FAM124A: variants seen among roughly 807,000 people sequenced by gnomAD.
The protein encoded by FAM124A is family with sequence similarity 124 member A.
In FAM124A, 23 loss-of-function variants were observed where a neutral mutation model predicts 24.5. That is an observed-to-expected ratio of 0.94 (90% CI 0.68 to 1.33). The LOEUF (loss-of-function observed/expected upper bound fraction) is 1.33, where lower values mean the gene tolerates loss of function less well. FAM124A is among the 40% of genes most tolerant of loss of function. The pLI is 0.00. For synonymous variants in FAM124A, 287 were observed against 314.7 expected, an observed-to-expected ratio of 0.91 and a Z score of 0.93; for missense variants, 623 against 722.8, an observed-to-expected ratio of 0.86 and a Z score of 1.58.
At chr13:51,235,315 A>G (rs1411512894) in intron 2 of FAM124A, among the ~76,000 whole-genome samples, 3 of 151,918 alleles carry the variant, frequency 2.0e-5, no homozygotes, top group Non-Finnish European at 4.4e-5. Context: ...TACAATTTAC[A>G]TTCTTATGCA....
rs185815438 is a variant in FAM124A, at chr13:51,269,635, A to C, written c.835-10815A>C. Reference sequence around the variant, plus strand: ...ACATTAAATGTATAAATGAAGTTTAAGATGTTAAAGGAAATTAAGCTACAA... The same window carrying C: ...ACATTAAATGTATAAATGAAGTTTACGATGTTAAAGGAAATTAAGCTACAA... On this transcript the variant is annotated intron_variant, in intron 3 of 3. Transcript: ENST00000322475. Among the ~76,000 whole-genome samples the C allele has an allele frequency of 2.8e-4, 42 of 152,334 alleles. 1 individual carries two copies. The East Asian group carries it at 7.7e-3, about 28-fold the overall frequency.
intron 3 of FAM124A, among the ~76,000 whole-genome samples, chr13:51,256,885 T>A (rs141959689): frequency 1.1e-3 from 172 of 152,292 alleles, no homozygotes; most frequent in African/African-American, 3.7e-3. Flanking sequence ...TTCTACTATC[T>A]GTTTCTGTGA....
At chr13:51,240,941 C>T (rs1466298991) in intron 2 of FAM124A, among the ~76,000 whole-genome samples, 2 of 152,184 alleles carry the variant, frequency 1.3e-5, no homozygotes, top group Non-Finnish European at 1.5e-5. Flanking sequence ...GTCTTCCTCC[C>T]ACCAGAAGCC....
intron 2 of FAM124A, among the ~76,000 whole-genome samples, chr13:51,249,769 A>G (rs1954599671): frequency 6.6e-6 from 1 of 152,162 alleles, no homozygotes; most frequent in Non-Finnish European, 1.5e-5. Context: ...TATCAGATTT[A>G]ATTTTACTTT....
intron 2 of FAM124A, chr13:51,245,381 G>T (rs1409063707): frequency 5.8e-6 from 4 of 693,528 alleles, no homozygotes; most frequent in Non-Finnish European, 1.1e-5. Context: ...AAAGAAAAGG[G>T]AAGATGGAGC....
chr13:51,229,921 T>C (rs1203819096), intron 1 of FAM124A, among the ~76,000 whole-genome samples: 1 of 152,030 alleles, frequency 6.6e-6, no homozygotes, highest in African/African-American at 2.4e-5. Flanking sequence ...TTAGCTAGTA[T>C]GTCACCATGT....
chr13:51,280,445 C>A lies in FAM124A; in HGVS notation c.835-5C>A, dbSNP rs201491419. 3.7e-5 allele frequency: 58 copies of A among 1,582,086 alleles called. No homozygotes were observed. The highest frequency in any genetic ancestry group is 1.1e-4 in the African/African-American group (8 of 73,936). On this transcript the variant is annotated splice_polypyrimidine_tract_variant and splice_region_variant and intron_variant, in intron 3 of 3. Coordinates refer to ENST00000322475, the MANE Select transcript of FAM124A (RefSeq NM_001242312.2). ...CACTAATGTGATCTGCCTCTCCCCC[C>A]ACAGGCACAAAGGGTGCATAAGAAG... is the stretch of plus-strand genomic sequence containing the variant.
rs923558420 is a variant in FAM124A, at chr13:51,284,176, G to A, written c.*2920G>A. On this transcript the variant is annotated 3_prime_UTR_variant, in exon 4 of 4. Transcript: ENST00000322475. ...TCTGGAGGATCCTGACTCGTTTGGA[G>A]TATTATCCTTGTAAAAGATGCTGGC... is the stretch of plus-strand genomic sequence containing the variant. The A allele has an allele frequency of 4.6e-5, 7 of 152,188 alleles. No individual in the cohort carries two copies. The allele number at this position is 152,188 out of a possible 1,614,324, so 9.4% of individuals were successfully genotyped here.
rs1954950148 is a variant in FAM124A, at chr13:51,282,594, C to T, written c.*1338C>T. The T allele has an allele frequency of 6.6e-6, 1 of 152,204 alleles. No homozygotes were observed. The highest frequency in any genetic ancestry group is 2.1e-4 in the South Asian group (1 of 4,828). 9.4% of individuals were successfully genotyped at this position (152,204 alleles called of 1,614,324 possible). On this transcript the variant is annotated 3_prime_UTR_variant, in exon 4 of 4. Transcript: ENST00000322475. Reference sequence around the variant, plus strand: ...TTTGAGGAAGAACAGCATGGGTTTGCCAAGCTCAATTCCCAGGCTGGTGCT... The same window carrying T: ...TTTGAGGAAGAACAGCATGGGTTTGTCAAGCTCAATTCCCAGGCTGGTGCT...
chr13:51,246,916 A>G (rs1357513880), intron 2 of FAM124A, among the ~76,000 whole-genome samples: 1 of 152,190 alleles, frequency 6.6e-6, no homozygotes, highest in Non-Finnish European at 1.5e-5. Context: ...CTCTCACGCC[A>G]TGCTATAGGC....
At chr13:51,265,539 C>T (rs941407786) in intron 3 of FAM124A, among the ~76,000 whole-genome samples, 3 of 152,130 alleles carry the variant, frequency 2.0e-5, no homozygotes, top group Non-Finnish European at 2.9e-5. Flanking sequence ...GGGTGGTTCT[C>T]GCGTGCCTAA....
chr13:51,283,795 A>AAG lies in FAM124A; in HGVS notation c.*2539_*2540insAG, dbSNP rs56841853. 6.7e-6 allele frequency: 1 copy of AAG among 149,124 alleles called. No homozygotes were observed. The highest frequency in any genetic ancestry group is 1.5e-5 in the Non-Finnish European group (1 of 67,522). 9.2% of individuals were successfully genotyped at this position (149,124 alleles called of 1,614,324 possible). On this transcript the variant is annotated 3_prime_UTR_variant, in exon 4 of 4. Coordinates refer to ENST00000322475, the MANE Select transcript of FAM124A (RefSeq NM_001242312.2). ...AAAAAAAAAAAAAAAAAAAAAAAAA[A>AAG]GGCTAATGGCCGAGGGCTGGCTCCT...
At chr13:51,280,426 T>G (rs779790831) in intron 3 of FAM124A, 24 bp from the exon 4 acceptor site, 2 of 1,554,576 alleles carry the variant, frequency 1.3e-6, no homozygotes, top group Non-Finnish European at 1.7e-6. Flanking sequence ...CCTGCACTAA[T>G]GTGATCTGCC....
intron 2 of FAM124A, among the ~76,000 whole-genome samples, chr13:51,247,862 T>C (rs1250981167): frequency 6.6e-6 from 1 of 152,208 alleles, no homozygotes; most frequent in Admixed American, 6.5e-5. Context: ...TTACTACTTT[T>C]GCGTCAACTG....
Position 51,274,888 on chromosome 13 carries a change from C to T in FAM124A, c.835-5562C>T, listed in dbSNP as rs185379814. 3.3e-5 allele frequency among the ~76,000 whole-genome samples: 5 copies of T among 152,286 alleles called. No homozygotes were observed. The East Asian group carries it at 9.6e-4, about 29-fold the overall frequency. ...GAAGATTTAACAATTAACCCAGTTC[C>T]TCTAAATATATCAATATCTCCTATT... is the stretch of plus-strand genomic sequence containing the variant. On this transcript the variant is annotated intron_variant, in intron 3 of 3. Transcript: ENST00000322475.
At chr13:51,222,716 C>A (rs752666116) in intron 1 of FAM124A, 147 bp downstream of exon 1, 114 of 849,792 alleles carry the variant, frequency 1.3e-4, no homozygotes, top group Admixed American at 2.3e-4. Context: ...CTCTCCTGGG[C>A]GGGCCGCGCT....
rs1205094467 is a variant in FAM124A at position 51,251,392 on chromosome 13, C to T, written c.101-76C>T. On this transcript the variant is annotated intron_variant, in intron 2 of 3. Transcript: ENST00000322475. The surrounding 1 kb of genome is among the most constrained non-coding windows in gnomAD (Gnocchi z 5.3). ...GACTTCTCTTCCTGTCAAGCCTGTA[C>T]ACGTCATCACTGGACACTTTAATGA... 5 of 1,435,908 alleles carry T rather than the reference C, an allele frequency of 3.5e-6. No individual in the cohort carries two copies. Among genetic ancestry groups the T allele is most frequent in the African/African-American group, 1.4e-5 (1 of 70,398 alleles). The allele number at this position is 1,435,908 out of a possible 1,614,324, so 88.9% of individuals were successfully genotyped here.
chr13:51,251,845 T>G lies in FAM124A; in HGVS notation c.478T>G (p.Trp160Gly). 1 of 1,611,730 alleles carries G rather than the reference T, an allele frequency of 6.2e-7. No homozygotes were observed. Among genetic ancestry groups the G allele is most frequent in the Non-Finnish European group, 8.5e-7 (1 of 1,179,044 alleles). The stretch of plus-strand genomic sequence containing the variant: ...CACGCTGGCCCCTGGGACGCCGCTT[T>G]GGGCCATCCGGCCCGTGCACTACGG... ...FFTLAPGTPL[W>G]AIRPVHYGKE... Residue 160 changes from tryptophan (W) to glycine (G), a missense_variant, in exon 3 of 4, where the codon TGG becomes GGG. Coordinates refer to ENST00000322475, the MANE Select transcript of FAM124A (RefSeq NM_001242312.2). The surrounding 1 kb of genome is among the most constrained non-coding windows in gnomAD (Gnocchi z 5.3).
In FAM124A at chr13:51,251,615, A is replaced by G. The variant is rs1295218829; in HGVS notation, c.248A>G (p.Glu83Gly). 2.6e-6 allele frequency: 4 copies of G among 1,567,122 alleles called. No individual in the cohort carries two copies. ...HPDLPLFRVS[E>G]RRASRRRRKP... Reference sequence around the variant, plus strand: ...GACCTCCCGCTGTTCCGGGTGTCCGAGAGGCGGGCGTCCCGGCGGCGGCGG... The same window carrying G: ...GACCTCCCGCTGTTCCGGGTGTCCGGGAGGCGGGCGTCCCGGCGGCGGCGG... The change falls in exon 3 of 4, where the codon GAG becomes GGG. Residue 83 changes from glutamate to glycine, a missense_variant. By Grantham distance (98) the Glu-to-Gly change is moderately conservative. Transcript: ENST00000322475. This position sits in a 1 kb window ranked among gnomAD's most constrained non-coding sequence, Gnocchi z 5.3.
Sources: gnomAD v4.1 joint callset for allele counts (sites outside exome capture counted in the v4.1 genomes callset) on GRCh38, gnomAD v4.1.1 for gene constraint, Gnocchi (gnomAD v3.1) non-coding constraint, MANE v1.5 for transcripts, NCBI Gene and HGNC (gene_info 2026-07-23, HGNC 2026-07-21) for gene names.